CSMD1: variants seen among roughly 807,000 people sequenced by gnomAD.
CSMD1 encodes the protein CUB and sushi domain-containing protein 1.
CSMD1 carries 213 observed loss-of-function variants against 417.5 expected under a neutral mutation model. The observed-to-expected ratio is 0.51, with a 90% confidence interval of 0.46 to 0.57. The LOEUF (loss-of-function observed/expected upper bound fraction) is 0.57. Among genes scored for constraint, CSMD1 ranks in the 20% least tolerant of loss-of-function variants. The pLI is 0.00. For synonymous variants in CSMD1, 2,862 were observed against 1,736.8 expected (o/e 1.65, Z -16.11); for missense variants, 6,923 against 4,529.7 (o/e 1.53, Z -15.17).
chr8:3,499,910 G>A (rs1796525276), intron 10 of CSMD1, among the ~76,000 whole-genome samples: 1 of 152,124 alleles, frequency 6.6e-6, no homozygotes, highest in Non-Finnish European at 1.5e-5. Flanking sequence ...GAACAAGAGA[G>A]GAACCCGGTG....
At chr8:3,190,334 G>T (rs1176210494) in intron 33 of CSMD1, among the ~76,000 whole-genome samples, 1 of 151,752 alleles carries the variant, frequency 6.6e-6, no homozygotes, top group Non-Finnish European at 1.5e-5. Flanking sequence ...TCGCTATAGA[G>T]AATGATTTGA....
intron 5 of CSMD1, among the ~76,000 whole-genome samples, chr8:3,860,041 G>T (rs1317414947): frequency 6.6e-6 from 1 of 152,150 alleles, no homozygotes; most frequent in Non-Finnish European, 1.5e-5. Flanking sequence ...CTTGTGGAGG[G>T]TCATGCCCTT....
intron 7 of CSMD1, among the ~76,000 whole-genome samples, chr8:3,618,112 C>A (rs1035706236): frequency 6.6e-6 from 1 of 152,036 alleles, no homozygotes; most frequent in African/African-American, 2.4e-5. Context: ...AGCGATACTC[C>A]CGTCTCAGCC....
chr8:4,119,072 C>G (rs1585353653), intron 3 of CSMD1, among the ~76,000 whole-genome samples: 1 of 152,008 alleles, frequency 6.6e-6, no homozygotes, highest in South Asian at 2.1e-4. Flanking sequence ...AGGGGAACAT[C>G]ACACACAGGG....
At chr8:4,142,599 G>C (rs1267637689) in intron 3 of CSMD1, among the ~76,000 whole-genome samples, 7 of 150,960 alleles carry the variant, frequency 4.6e-5, no homozygotes, top group Non-Finnish European at 1.0e-4. Flanking sequence ...TTTTTCAATT[G>C]CTAGCTTAGC....
Position 4,825,638 on chromosome 8 carries a change from T to G in CSMD1, c.85+168694A>C, listed in dbSNP as rs181627404. Among the ~76,000 whole-genome samples, 88 of 151,812 alleles carry G rather than the reference T, an allele frequency of 5.8e-4. 1 individual carries two copies. The East Asian group carries it at 0.016, about 27-fold the overall frequency. Reference sequence around the variant, plus strand: ...AGAGACATGTGAGACTCCCTCAAACTAAAAAGCTTCTGCACAGCAAAGAAA... The same window carrying G: ...AGAGACATGTGAGACTCCCTCAAACGAAAAAGCTTCTGCACAGCAAAGAAA... On this transcript the variant is annotated intron_variant, in intron 1 of 69. Transcript: ENST00000635120.
At chr8:4,744,189 GGACT>G (rs1312876827) in intron 1 of CSMD1, among the ~76,000 whole-genome samples, 5 of 151,750 alleles carry the variant, frequency 3.3e-5, no homozygotes, top group African/African-American at 1.2e-4. Flanking sequence ...CCAAACACAG[GGACT>G]GACTGACGGT....
chr8:4,211,268 C>A (rs1008778489), intron 3 of CSMD1, among the ~76,000 whole-genome samples: 1 of 151,868 alleles, frequency 6.6e-6, no homozygotes, highest in Non-Finnish European at 1.5e-5. Flanking sequence ...TGAAAGAAAT[C>A]CAAAGATTGA....
chr8:4,003,586 A>T (rs1231113726), intron 4 of CSMD1, among the ~76,000 whole-genome samples: 2 of 152,222 alleles, frequency 1.3e-5, no homozygotes, highest in African/African-American at 4.8e-5. Context: ...TAGGCATTCA[A>T]ATTAAAACAA....
chr8:4,207,828 A>G (rs186331765), intron 3 of CSMD1, among the ~76,000 whole-genome samples: 2 of 152,282 alleles, frequency 1.3e-5, no homozygotes, highest in East Asian at 3.9e-4. Flanking sequence ...AACAGATGCA[A>G]CCTCAGCCCT....
At chr8:4,345,245 T>C (rs924260162) in intron 3 of CSMD1, among the ~76,000 whole-genome samples, 2 of 152,090 alleles carry the variant, frequency 1.3e-5, no homozygotes, top group Admixed American at 6.6e-5. Flanking sequence ...GGAGGTGAAA[T>C]GGACATGAAA....
At chr8:3,715,506 A>C (rs1402041801) in intron 6 of CSMD1, among the ~76,000 whole-genome samples, 2 of 152,014 alleles carry the variant, frequency 1.3e-5, no homozygotes, top group Non-Finnish European at 2.9e-5. Context: ...TCCATTTCCC[A>C]TCTTTACAAA....
intron 3 of CSMD1, among the ~76,000 whole-genome samples, chr8:4,063,292 G>C (rs942404888): frequency 6.6e-6 from 1 of 151,138 alleles, no homozygotes. Context: ...AACCAAAAAA[G>C]AAAAATTAGT....
At chr8:4,960,239 T>C (rs560489022) in intron 1 of CSMD1, among the ~76,000 whole-genome samples, 29 of 152,294 alleles carry the variant, frequency 1.9e-4, no homozygotes, top group African/African-American at 6.5e-4. Flanking sequence ...ATACAAATAA[T>C]ATCTTGAAGG....
chr8:3,562,377 C>T (rs1029822034), intron 10 of CSMD1, among the ~76,000 whole-genome samples: 1 of 151,624 alleles, frequency 6.6e-6, no homozygotes, highest in East Asian at 1.9e-4. Flanking sequence ...CACACATGCA[C>T]ACACACACAC....
At chr8:4,186,188 C>T (rs1190775142) in intron 3 of CSMD1, among the ~76,000 whole-genome samples, 1 of 152,090 alleles carries the variant, frequency 6.6e-6, no homozygotes, top group Admixed American at 6.5e-5. Context: ...CTGAATGTTC[C>T]AGAGAACATT....
At chr8:4,432,893 G>C (rs1022745902) in intron 2 of CSMD1, among the ~76,000 whole-genome samples, 1 of 152,150 alleles carries the variant, frequency 6.6e-6, no homozygotes, top group East Asian at 1.9e-4. Flanking sequence ...GCCCATCAAG[G>C]GGTGAGCAGC....
intron 10 of CSMD1, among the ~76,000 whole-genome samples, chr8:3,511,350 G>A (rs1308008635): frequency 2.0e-5 from 3 of 150,026 alleles, no homozygotes; most frequent in Non-Finnish European, 2.9e-5. Flanking sequence ...TGCACGTTCT[G>A]CACATGTATC....
At chr8:3,269,405 G>A (rs907639070) in intron 26 of CSMD1, among the ~76,000 whole-genome samples, 2 of 152,198 alleles carry the variant, frequency 1.3e-5, no homozygotes, top group Non-Finnish European at 2.9e-5. Context: ...CTTACGGCTG[G>A]TTTTCTCCCA....
Sources: allele counts gnomAD v4.1 joint callset (sites outside exome capture counted in the v4.1 genomes callset), GRCh38; gene constraint gnomAD v4.1.1; transcripts MANE v1.5; gene names NCBI Gene and HGNC (gene_info 2026-07-23, HGNC 2026-07-21).